DIP2C: variants seen among roughly 807,000 people sequenced by gnomAD.
DIP2C encodes disco-interacting protein 2 homolog C.
Under a neutral mutation model 192.4 loss-of-function variants are expected in DIP2C, and 33 were observed. The observed-to-expected ratio is 0.17, with a 90% CI of 0.13 to 0.23. DIP2C has a LOEUF of 0.23. DIP2C is among the 10% of genes least tolerant of loss of function. DIP2C has a pLI of 1.00. For synonymous variants in DIP2C, 979 were observed against 864.1 expected (o/e 1.13, Z -2.33); for missense variants, 1,537 against 2,110.1 (o/e 0.73, Z 5.32).
intron 2 of DIP2C, among the ~76,000 whole-genome samples, chr10:480,641 C>A (rs1328904641): frequency 6.6e-6 from 1 of 152,212 alleles, no homozygotes; most frequent in Non-Finnish European, 1.5e-5. Context: ...ACTGGAGACA[C>A]ACCGCATGGC....
intron 1 of DIP2C, among the ~76,000 whole-genome samples, chr10:499,390 C>CT (rs1845072690): frequency 6.6e-6 from 1 of 152,248 alleles, no homozygotes; most frequent in African/African-American, 2.4e-5. Context: ...CTGCCCAAGA[C>CT]TCTCTAATTT....
chr10:435,624 T>TGACC (rs1438405864), intron 4 of DIP2C, among the ~76,000 whole-genome samples: 13 of 152,332 alleles, frequency 8.5e-5, no homozygotes, highest in South Asian at 2.1e-4. Context: ...GGCTTGCCTG[T>TGACC]GACCTCATGT....
intron 1 of DIP2C, among the ~76,000 whole-genome samples, chr10:544,260 T>C (rs921096718): frequency 7.2e-5 from 11 of 152,006 alleles, no homozygotes; most frequent in South Asian, 2.1e-4. Flanking sequence ...TCAAGGCTCA[T>C]TGGAGCACAT....
At chr10:368,510 G>C (rs1052782838) in intron 18 of DIP2C, among the ~76,000 whole-genome samples, 3 of 152,334 alleles carry the variant, frequency 2.0e-5, no homozygotes, top group Non-Finnish European at 4.4e-5. Flanking sequence ...GAATCAGGGA[G>C]TAGTGAGGAG....
chr10:386,943 C>T (rs1962988462), intron 14 of DIP2C, among the ~76,000 whole-genome samples: 2 of 152,280 alleles, frequency 1.3e-5, no homozygotes, highest in South Asian at 4.1e-4. Context: ...GAAAAGTGCC[C>T]AAGCCCGGCA....
At chr10:556,882 C>A (rs576412601) in intron 1 of DIP2C, among the ~76,000 whole-genome samples, 38 of 152,316 alleles carry the variant, frequency 2.5e-4, no homozygotes, top group Admixed American at 8.5e-4. Context: ...TCCTTCGTAG[C>A]CCTGTCCTGA....
intron 1 of DIP2C, among the ~76,000 whole-genome samples, chr10:520,526 C>T (rs1328348090): frequency 1.3e-5 from 2 of 152,148 alleles, no homozygotes; most frequent in African/African-American, 4.8e-5. Context: ...TTGGGTTTTC[C>T]GTGGGCAGAG....
At chr10:679,724 G>A (rs936629366) in intron 1 of DIP2C, among the ~76,000 whole-genome samples, 4 of 138,726 alleles carry the variant, frequency 2.9e-5, no homozygotes, top group East Asian at 4.4e-4. Context: ...CCCTGCATCC[G>A]TCCTCCCCAC....
At chr10:551,160 C>T (rs950887043) in intron 1 of DIP2C, among the ~76,000 whole-genome samples, 3 of 152,236 alleles carry the variant, frequency 2.0e-5, no homozygotes, top group African/African-American at 7.2e-5. Context: ...AGCTCCAACA[C>T]CCACAGCCAG....
At chr10:649,124 C>A (rs1473817973) in intron 1 of DIP2C, among the ~76,000 whole-genome samples, 3 of 115,490 alleles carry the variant, frequency 2.6e-5, no homozygotes, top group African/African-American at 6.9e-5. Flanking sequence ...GAGAACAGAG[C>A]GAAACTTAGT....
chr10:325,469 A>G (rs1957234436), intron 31 of DIP2C, among the ~76,000 whole-genome samples: 1 of 152,176 alleles, frequency 6.6e-6, no homozygotes, highest in Admixed American at 6.5e-5. Context: ...TAAGAGACAA[A>G]GCCAGAAGCA....
At chr10:412,317 C>T (rs781015416) in intron 8 of DIP2C, among the ~76,000 whole-genome samples, 47 of 152,258 alleles carry the variant, frequency 3.1e-4, no homozygotes, top group African/African-American at 9.9e-4. Context: ...CCGAACAGTT[C>T]GGCTGCTCCT....
intron 1 of DIP2C, among the ~76,000 whole-genome samples, chr10:613,003 C>A (rs538248993): frequency 2.0e-5 from 3 of 152,166 alleles, no homozygotes; most frequent in Non-Finnish European, 4.4e-5. Context: ...ACGCTGACCA[C>A]GTTCTTTCCT....
At chr10:482,696 A>T (rs1241251397) in intron 2 of DIP2C, among the ~76,000 whole-genome samples, 1 of 152,224 alleles carries the variant, frequency 6.6e-6, no homozygotes, top group Non-Finnish European at 1.5e-5. Context: ...ATTTATAGCC[A>T]CACTGAAATT....
chr10:520,743 T>C lies in DIP2C; in HGVS notation c.86-34213A>G, dbSNP rs576783668. 1.9e-4 allele frequency among the ~76,000 whole-genome samples: 29 copies of C among 152,314 alleles called. 1 individual carries two copies. The South Asian group carries it at 5.2e-3, about 27-fold the overall frequency. On this transcript the variant is annotated intron_variant, in intron 1 of 36. Transcript: ENST00000280886. Reference sequence around the variant, plus strand: ...AAAGTTTCACTTTAGGGCAAATAAGTTGGAAACCAAAAAATTCTAAGACCC... The same window carrying C: ...AAAGTTTCACTTTAGGGCAAATAAGCTGGAAACCAAAAAATTCTAAGACCC...
At chr10:581,025 CAT>C (rs780209465) in intron 1 of DIP2C, among the ~76,000 whole-genome samples, 302 of 152,304 alleles carry the variant, frequency 2.0e-3, no homozygotes, top group Middle Eastern at 0.01. Context: ...GCAGATTATT[CAT>C]TTTCTGGTGA....
chr10:488,719 G>A (rs904548922), intron 1 of DIP2C, among the ~76,000 whole-genome samples: 1 of 152,140 alleles, frequency 6.6e-6, no homozygotes, highest in Admixed American at 6.5e-5. Context: ...GACGCCTCTG[G>A]GTACCCACGG....
intron 32 of DIP2C, among the ~76,000 whole-genome samples, chr10:296,492 G>T (rs951182498): frequency 2.0e-5 from 3 of 152,246 alleles, no homozygotes; most frequent in Middle Eastern, 3.4e-3. Flanking sequence ...ATTCCTCAAG[G>T]ATCTAGAACT....
chr10:378,379 G>A (rs971201352), intron 17 of DIP2C, among the ~76,000 whole-genome samples: 11 of 152,144 alleles, frequency 7.2e-5, no homozygotes, highest in African/African-American at 1.4e-4. Context: ...ACACAAACAC[G>A]AAAACAGGCA....
Sources: gnomAD v4.1 joint callset for allele counts (sites outside exome capture counted in the v4.1 genomes callset) on GRCh38, gnomAD v4.1.1 for gene constraint, MANE v1.5 for transcripts, NCBI Gene and HGNC (gene_info 2026-07-23, HGNC 2026-07-21) for gene names.